The following PGBD2 variants were observed in gnomAD, a reference collection of about 807,000 sequenced individuals.
PGBD2 encodes piggyBac transposable element-derived protein 2.
Under a neutral mutation model 8.1 loss-of-function variants are expected in PGBD2, and 6 were observed. That is an observed-to-expected ratio of 0.74 (90% CI 0.40 to 1.46). The LOEUF (loss-of-function observed/expected upper bound fraction) is 1.46, where lower values mean the gene tolerates loss of function less well. Among genes scored for constraint, PGBD2 ranks in the 40% most tolerant of loss-of-function variants. The pLI is 0.02. For missense variants in PGBD2, 802 were observed against 739.0 expected (o/e 1.09, Z -0.99); for synonymous variants, 318 against 272.2 (o/e 1.17, Z -1.66).
chr1:248,916,138 G>T (rs1335316980), intron 2 of PGBD2, among the ~76,000 whole-genome samples: 1 of 152,216 alleles, frequency 6.6e-6, no homozygotes, highest in Non-Finnish European at 1.5e-5. Flanking sequence ...TGTGGGCCGG[G>T]TGCCATGGCT....
intron 2 of PGBD2, among the ~76,000 whole-genome samples, chr1:248,915,473 T>C (rs563070762): frequency 1.3e-5 from 2 of 152,234 alleles, no homozygotes; most frequent in Non-Finnish European, 2.9e-5. Flanking sequence ...TTCCCAACCA[T>C]AGGCTAATGT....
At chr1:248,910,171 T>C (rs1447115935) in intron 1 of PGBD2, among the ~76,000 whole-genome samples, 1 of 152,246 alleles carries the variant, frequency 6.6e-6, no homozygotes, top group East Asian at 1.9e-4. Flanking sequence ...GTCATACTGA[T>C]GCATCCTTAA....
upstream of PGBD2, among the ~76,000 whole-genome samples, chr1:248,905,203 CA>C (rs907709420): frequency 6.6e-6 from 1 of 152,282 alleles, no homozygotes; most frequent in African/African-American, 2.4e-5. Context: ...TCTTCTGATC[CA>C]GGGGTTTTGG....
chr1:248,884,173 G>T, the PGBD2 span, among the ~76,000 whole-genome samples: 3 of 152,034 alleles, frequency 2.0e-5, no homozygotes, highest in African/African-American at 7.3e-5. Flanking sequence ...TGGCTAGTAA[G>T]ACACAAAATT....
At chr1:248,911,719 C>A in intron 1 of PGBD2, among the ~76,000 whole-genome samples, 1 of 150,706 alleles carries the variant, frequency 6.6e-6, no homozygotes, top group East Asian at 1.9e-4. Flanking sequence ...CCCTCACCTC[C>A]CGGACGGGGC....
chr1:248,923,796 G>A (rs1662332829), downstream of PGBD2, among the ~76,000 whole-genome samples: 2 of 152,194 alleles, frequency 1.3e-5, no homozygotes, highest in Non-Finnish European at 1.5e-5. Context: ...GTCAGCATAA[G>A]GATGGGAGGA....
downstream of PGBD2, among the ~76,000 whole-genome samples, chr1:248,922,996 C>CT (rs755241138): frequency 3.3e-3 from 491 of 149,742 alleles, 1 homozygote; most frequent in Admixed American, 6.6e-3. Context: ...AGGATTCCCT[C>CT]TTTTTCTATT....
downstream of PGBD2, among the ~76,000 whole-genome samples, chr1:248,921,706 A>G (rs1161874518): frequency 6.6e-6 from 1 of 152,242 alleles, no homozygotes; most frequent in Non-Finnish European, 1.5e-5. Flanking sequence ...ATCGCATTGA[A>G]TCTATAAATT....
chr1:248,894,964 T>TTTG, the PGBD2 span, among the ~76,000 whole-genome samples: 2 of 151,956 alleles, frequency 1.3e-5, no homozygotes, highest in South Asian at 2.1e-4. Context: ...ATCTGGCTAT[T>TTTG]TTGTTGTTGT....
At chr1:248,886,417 T>C in the PGBD2 span, among the ~76,000 whole-genome samples, 35 of 152,218 alleles carry the variant, frequency 2.3e-4, no homozygotes, top group Non-Finnish European at 4.9e-4. Flanking sequence ...GTACAAGAGA[T>C]TAATTACTTT....
chr1:248,875,308 CAAAA>C, the PGBD2 span, among the ~76,000 whole-genome samples: 15 of 110,252 alleles, frequency 1.4e-4, no homozygotes, highest in African/African-American at 3.0e-4. Context: ...AAAAACAAAA[CAAAA>C]AAAAAAAAAA....
chr1:248,928,060 G>GT, the PGBD2 span, among the ~76,000 whole-genome samples: 1,908 of 152,098 alleles, frequency 0.013, 50 homozygotes, highest in African/African-American at 0.044. Flanking sequence ...TTTTTTGTTT[G>GT]TTTTTTGTGG....
upstream of PGBD2, among the ~76,000 whole-genome samples, chr1:248,902,252 G>C (rs929847927): frequency 6.8e-5 from 10 of 148,028 alleles, no homozygotes; most frequent in Non-Finnish European, 1.5e-4. Flanking sequence ...CTGGACAACA[G>C]AGCAAGACTC....
chr1:248,915,645 C>T (rs1024399078), intron 2 of PGBD2, among the ~76,000 whole-genome samples: 11 of 152,134 alleles, frequency 7.2e-5, no homozygotes, highest in African/African-American at 2.7e-4. Context: ...ACTCACCATC[C>T]ATTTGGTTCC....
At chr1:248,885,979 G>C in the PGBD2 span, among the ~76,000 whole-genome samples, 1 of 152,054 alleles carries the variant, frequency 6.6e-6, no homozygotes, top group African/African-American at 2.4e-5. Flanking sequence ...TACCCTGTCA[G>C]TTTACTCCTC....
chr1:248,913,752 AG>A (rs1275970583), intron 1 of PGBD2, 63 bp from the exon 2 acceptor site: 1 of 841,250 alleles, frequency 1.2e-6, no homozygotes, highest in Non-Finnish European at 2.0e-6. Context: ...ATGGTAGAAA[AG>A]ATCCTGTTGC....
the PGBD2 span, among the ~76,000 whole-genome samples, chr1:248,889,987 G>A: frequency 2.0e-5 from 3 of 150,506 alleles, no homozygotes; most frequent in Admixed American, 6.6e-5. Flanking sequence ...GAGTGCAATG[G>A]TGTGATCTCA....
At chr1:248,912,717 A>G (rs898924533) in intron 1 of PGBD2, 2 of 152,012 alleles carry the variant, frequency 1.3e-5, no homozygotes, top group African/African-American at 2.4e-5. Context: ...ACGAATTTGC[A>G]TGTCCTCTTT....
Position 248,913,898 on chromosome 1 carries a change from C to T in PGBD2, c.17+19C>T, listed in dbSNP as rs777606309. On this transcript the variant is annotated intron_variant, in intron 2 of 2. Coordinates refer to ENST00000329291, the MANE Select transcript of PGBD2 (RefSeq NM_170725.3). ...CATCCAGGTAGGAGTGCTGTTTGAT[C>T]AAATGTTTTATTGAAGAATTTATTC... The T allele has an allele frequency of 7.5e-6, 12 of 1,601,250 alleles. No homozygotes were observed. The highest frequency in any genetic ancestry group is 1.0e-5 in the Non-Finnish European group (12 of 1,168,420).
Sources: allele counts gnomAD v4.1 joint callset (sites outside exome capture counted in the v4.1 genomes callset), GRCh38; gene constraint gnomAD v4.1.1; transcripts MANE v1.5; gene names NCBI Gene and HGNC (gene_info 2026-07-23, HGNC 2026-07-21).